ITGA9: variants seen among roughly 807,000 people sequenced by gnomAD.
ITGA9 encodes integrin subunit alpha 9.
ITGA9 carries 56 observed loss-of-function variants against 127.8 expected under a neutral mutation model. The ratio of observed to expected loss-of-function variants is 0.44; its 90% CI spans 0.35 to 0.55. The LOEUF is 0.55. Ranked by LOEUF, ITGA9 falls within the 20% of genes least tolerant of loss-of-function variation. The pLI is 0.00. For synonymous variants in ITGA9, 508 were observed against 514.5 expected (o/e 0.99, Z 0.17); for missense variants, 1,196 against 1,347.1 (o/e 0.89, Z 1.76).
intron 18 of ITGA9, among the ~76,000 whole-genome samples, chr3:37,708,858 C>T (rs1264719757): frequency 6.6e-6 from 1 of 152,332 alleles, no homozygotes; most frequent in East Asian, 1.9e-4. Context: ...CGTATGAATA[C>T]GTCAAGCCAC....
Position 37,622,137 on chromosome 3 carries a change from C to CTT in ITGA9, c.1690-7036_1690-7035dup, listed in dbSNP as rs5848098. Among the ~76,000 whole-genome samples the CTT allele has an allele frequency of 7.4e-3, 1,030 of 139,798 alleles. 16 individuals carry two copies. The highest frequency in any genetic ancestry group is 0.016 in the African/African-American group (596 of 37,752). The allele number at this position is 139,798 out of a possible 152,430, so 91.7% of individuals were successfully genotyped here. On this transcript the variant is annotated intron_variant, in intron 15 of 27. Transcript: ENST00000264741. ...TTTAATTTAAATTTTTGTTTGTTTA[C>CTT]TTTTTTTTTTTTTTTCCCCGGCTCA...
At chr3:37,485,172 A>T (rs2125560655) in intron 4 of ITGA9, among the ~76,000 whole-genome samples, 1 of 152,288 alleles carries the variant, frequency 6.6e-6, no homozygotes, top group Non-Finnish European at 1.5e-5. Flanking sequence ...CCCGTCCCCA[A>T]GGGCTTGAGC....
intron 17 of ITGA9, among the ~76,000 whole-genome samples, chr3:37,668,174 C>T (rs879693504): frequency 2.5e-4 from 38 of 152,034 alleles, no homozygotes; most frequent in Admixed American, 6.5e-4. Flanking sequence ...TTTCCAGCTT[C>T]GACTTTCTAG....
At chr3:37,754,793 G>A (rs1316253350) in intron 23 of ITGA9, among the ~76,000 whole-genome samples, 1 of 151,958 alleles carries the variant, frequency 6.6e-6, no homozygotes, top group Admixed American at 6.6e-5. Flanking sequence ...CAGTAGACAG[G>A]CCTACCCATG....
At chr3:37,569,512 A>G (rs1353463885) in intron 15 of ITGA9, among the ~76,000 whole-genome samples, 2 of 152,246 alleles carry the variant, frequency 1.3e-5, no homozygotes, top group African/African-American at 4.8e-5. Flanking sequence ...AAACCTTGGT[A>G]TGAAAGACTG....
At chr3:37,561,754 C>A (rs1185531563) in intron 15 of ITGA9, among the ~76,000 whole-genome samples, 1 of 152,198 alleles carries the variant, frequency 6.6e-6, no homozygotes, top group Non-Finnish European at 1.5e-5. Context: ...ATCAAACTTT[C>A]CGCGTGGCTT....
At chr3:37,734,427 A>G (rs1404407727) in intron 19 of ITGA9, among the ~76,000 whole-genome samples, 1 of 152,216 alleles carries the variant, frequency 6.6e-6, no homozygotes, top group Non-Finnish European at 1.5e-5. Context: ...TTTAAACTCC[A>G]GCCTATATCA....
intron 15 of ITGA9, among the ~76,000 whole-genome samples, chr3:37,575,111 A>T (rs1358511886): frequency 6.6e-6 from 1 of 151,976 alleles, no homozygotes; most frequent in Non-Finnish European, 1.5e-5. Context: ...GGTGGTGAGG[A>T]AGTTTATACG....
chr3:37,470,116 T>C (rs1248344037), intron 1 of ITGA9, among the ~76,000 whole-genome samples: 1 of 151,104 alleles, frequency 6.6e-6, no homozygotes, highest in Admixed American at 6.6e-5. Context: ...ACTCTAGCAC[T>C]GATGGGCCTT....
intron 14 of ITGA9, among the ~76,000 whole-genome samples, chr3:37,538,290 G>A (rs879098775): frequency 6.6e-6 from 1 of 152,244 alleles, no homozygotes; most frequent in African/African-American, 2.4e-5. Flanking sequence ...CAGAGCTAGA[G>A]TTGATGAGAG....
intron 15 of ITGA9, among the ~76,000 whole-genome samples, chr3:37,622,192 A>G (rs1444524391): frequency 1.4e-5 from 2 of 139,258 alleles, no homozygotes; most frequent in Non-Finnish European, 3.0e-5. Context: ...GGTTCACACC[A>G]TTCTCCTGCC....
At chr3:37,786,545 A>T (rs765131463) in intron 26 of ITGA9, among the ~76,000 whole-genome samples, 2 of 152,146 alleles carry the variant, frequency 1.3e-5, no homozygotes, top group Non-Finnish European at 2.9e-5. Flanking sequence ...GTGAGCCAAG[A>T]TCATGCCACT....
chr3:37,620,016 T>A lies in ITGA9; in HGVS notation c.1690-9171T>A, dbSNP rs554907624. Among the ~76,000 whole-genome samples the A allele has an allele frequency of 2.0e-5, 3 of 152,302 alleles. No homozygotes were observed. In the South Asian group the frequency reaches 6.2e-4, roughly 32 times the overall value. On this transcript the variant is annotated intron_variant, in intron 15 of 27. Transcript: ENST00000264741. The stretch of plus-strand genomic sequence containing the variant: ...CACTTGAGTAGGCCAATTCACGCCA[T>A]CCTTTCTGATTCACTCAATTGAGCT...
At chr3:37,599,139 C>G (rs943232920) in intron 15 of ITGA9, among the ~76,000 whole-genome samples, 1 of 152,224 alleles carries the variant, frequency 6.6e-6, no homozygotes, top group Admixed American at 6.5e-5. Context: ...CATAGGTGCA[C>G]GGCATAGTGT....
At chr3:37,796,467 TTGGATGGATGGATGGATGGATGGA>T (rs201148519) in intron 26 of ITGA9, among the ~76,000 whole-genome samples, 1 of 150,968 alleles carries the variant, frequency 6.6e-6, no homozygotes, top group South Asian at 2.1e-4. Flanking sequence ...TGTTGGTTGG[TTGGATGGATGGATGGATGGATGGA>T]TGGATGGATG....
intron 15 of ITGA9, among the ~76,000 whole-genome samples, chr3:37,588,135 C>T (rs1271180327): frequency 2.0e-5 from 3 of 152,342 alleles, no homozygotes; most frequent in East Asian, 1.9e-4. Flanking sequence ...TGGAGGTCCA[C>T]TTAGCGAATA....
At chr3:37,614,001 G>A (rs1700049714) in intron 15 of ITGA9, among the ~76,000 whole-genome samples, 2 of 152,196 alleles carry the variant, frequency 1.3e-5, no homozygotes, top group Non-Finnish European at 2.9e-5. Flanking sequence ...GGCTGTTGTT[G>A]CCATTGCTTT....
At chr3:37,533,598 C>T in intron 14 of ITGA9, 130 bp downstream of exon 14, 1 of 846,206 alleles carries the variant, frequency 1.2e-6, no homozygotes, top group Non-Finnish European at 1.9e-6. Flanking sequence ...GGCTGGACAT[C>T]CTTTCCCTCT....
At chr3:37,530,169 T>G (rs1699135332) in intron 13 of ITGA9, among the ~76,000 whole-genome samples, 1 of 152,220 alleles carries the variant, frequency 6.6e-6, no homozygotes, top group Non-Finnish European at 1.5e-5. Context: ...GCAGGCTGGA[T>G]GTCTGCAGGG....
Sources: gnomAD v4.1 joint callset for allele counts (sites outside exome capture counted in the v4.1 genomes callset) on GRCh38, gnomAD v4.1.1 for gene constraint, MANE v1.5 for transcripts, NCBI Gene and HGNC (gene_info 2026-07-23, HGNC 2026-07-21) for gene names.